UMAD1: variants seen among roughly 807,000 people sequenced by gnomAD.
The protein encoded by UMAD1 is UBAP1-MVB12-associated (UMA)-domain containing protein 1.
UMAD1 carries 8 observed loss-of-function variants against 6.1 expected under a neutral mutation model. That is an observed-to-expected ratio of 1.30 (90% CI 0.76 to 2.35). The LOEUF is 2.35. Among genes scored for constraint, UMAD1 ranks in the 30% most tolerant of loss-of-function variants. UMAD1 has a pLI of 0.00. For missense variants in UMAD1, 130 were observed against 78.4 expected, an observed-to-expected ratio of 1.66 and a Z score of -2.49; for synonymous variants, 56 against 31.4, an observed-to-expected ratio of 1.78 and a Z score of -2.61.
intron 2 of UMAD1, among the ~76,000 whole-genome samples, chr7:7,782,849 C>T (rs556785879): frequency 6.6e-5 from 10 of 151,716 alleles, no homozygotes; most frequent in Non-Finnish European, 1.5e-4. Context: ...CCTGCCTCAG[C>T]CTCCCAAATA....
At chr7:7,736,331 C>T (rs1313684640) in intron 2 of UMAD1, 1 of 152,970 alleles carries the variant, frequency 6.5e-6, no homozygotes, top group Admixed American at 6.5e-5. Context: ...TTATAAGTAC[C>T]AGCTGTCATT....
In UMAD1 at chr7:7,667,480, A is replaced by G. The variant is rs1779494196; in HGVS notation, c.-63-5829A>G. Among the ~76,000 whole-genome samples, 2 of 152,178 alleles carry G rather than the reference A, an allele frequency of 1.3e-5. 1 individual carries two copies. The highest frequency in any genetic ancestry group is 4.1e-4 in the South Asian group (2 of 4,830). On this transcript the variant is annotated intron_variant, in intron 1 of 3. Coordinates refer to ENST00000682710, the MANE Select transcript of UMAD1 (RefSeq NM_001302348.2). ...CACTTAAATTACTCTTAATTCTGCTAAGGATTGCCTCAGAAATATGATGGG... is the reference window on the plus strand; with the variant it reads ...CACTTAAATTACTCTTAATTCTGCTGAGGATTGCCTCAGAAATATGATGGG...
chr7:7,744,520 C>T (rs1335973858), intron 2 of UMAD1, among the ~76,000 whole-genome samples: 1 of 151,764 alleles, frequency 6.6e-6, no homozygotes, highest in Non-Finnish European at 1.5e-5. Context: ...GGGATTTGCT[C>T]CATTTCATAG....
At chr7:7,719,197 A>G (rs1780992497) in intron 2 of UMAD1, among the ~76,000 whole-genome samples, 1 of 152,222 alleles carries the variant, frequency 6.6e-6, no homozygotes, top group Admixed American at 6.5e-5. Flanking sequence ...ATGATGAAAT[A>G]TGATCAGCAA....
intron 1 of UMAD1, among the ~76,000 whole-genome samples, chr7:7,669,752 C>T (rs1277576889): frequency 2.0e-5 from 3 of 152,132 alleles, no homozygotes; most frequent in Non-Finnish European, 4.4e-5. Context: ...GTGATAGACA[C>T]GAGGGTGACT....
chr7:7,673,775 C>G (rs28915983), intron 2 of UMAD1, among the ~76,000 whole-genome samples: 2,101 of 151,170 alleles, frequency 0.014, 31 homozygotes, highest in Non-Finnish European at 0.017. Context: ...CAAGTTCTGT[C>G]TTATAAATAG....
At chr7:7,676,339 G>A in intron 2 of UMAD1, 1 of 392,156 alleles carries the variant, frequency 2.6e-6, no homozygotes, top group Non-Finnish European at 4.5e-6. Flanking sequence ...CCCTGTGAGT[G>A]AGGTAGTACT....
chr7:7,651,768 G>T (rs1457684358), intron 1 of UMAD1, among the ~76,000 whole-genome samples: 2 of 152,140 alleles, frequency 1.3e-5, no homozygotes, highest in African/African-American at 4.8e-5. Context: ...GTGGAAATTG[G>T]GTCTTCCGAG....
chr7:7,858,733 G>A (rs1490775505), intron 3 of UMAD1, among the ~76,000 whole-genome samples: 2 of 152,184 alleles, frequency 1.3e-5, no homozygotes. Flanking sequence ...AAGTGTGTGA[G>A]GTTCTTCCCT....
chr7:7,876,664 T>C (rs1563280249), intron 3 of UMAD1, among the ~76,000 whole-genome samples: 3 of 152,350 alleles, frequency 2.0e-5, no homozygotes, highest in African/African-American at 7.2e-5. Flanking sequence ...AGACAATCAG[T>C]ACTCATGGTA....
At chr7:7,869,444 A>G (rs930072719) in intron 3 of UMAD1, among the ~76,000 whole-genome samples, 1 of 152,160 alleles carries the variant, frequency 6.6e-6, no homozygotes, top group African/African-American at 2.4e-5. Context: ...TGATACAGCT[A>G]CCTTCTTTGC....
At chr7:7,740,442 T>G (rs79989275) in intron 2 of UMAD1, among the ~76,000 whole-genome samples, 3,263 of 152,344 alleles carry the variant, frequency 0.021, 115 homozygotes, top group African/African-American at 0.073. Context: ...TAATTTTAGC[T>G]TTATGCTACT....
chr7:7,688,712 T>A (rs1780097608), intron 2 of UMAD1, among the ~76,000 whole-genome samples: 1 of 152,334 alleles, frequency 6.6e-6, no homozygotes, highest in South Asian at 2.1e-4. Flanking sequence ...ACGCCTTTAT[T>A]TTTGTATGTC....
At chr7:7,785,143 G>A (rs759934328) in intron 2 of UMAD1, among the ~76,000 whole-genome samples, 4 of 152,174 alleles carry the variant, frequency 2.6e-5, no homozygotes, top group Non-Finnish European at 5.9e-5. Context: ...AATCAAGTAG[G>A]CATAGAATTT....
intron 1 of UMAD1, among the ~76,000 whole-genome samples, chr7:7,644,004 C>G (rs997445572): frequency 6.6e-6 from 1 of 152,144 alleles, no homozygotes; most frequent in Non-Finnish European, 1.5e-5. Flanking sequence ...ACTTGGATCT[C>G]TGCCACTAGT....
At chr7:7,783,588 C>G (rs1782395130) in intron 2 of UMAD1, among the ~76,000 whole-genome samples, 1 of 152,086 alleles carries the variant, frequency 6.6e-6, no homozygotes, top group South Asian at 2.1e-4. Flanking sequence ...AAGGCTGCTT[C>G]CAGGTCTTAA....
intron 3 of UMAD1, among the ~76,000 whole-genome samples, chr7:7,854,771 G>A (rs1783983521): frequency 6.6e-6 from 1 of 152,102 alleles, no homozygotes; most frequent in Admixed American, 6.5e-5. Flanking sequence ...TCTTAACCCA[G>A]CATTATTCCA....
chr7:7,854,031 A>C (rs560617924), intron 3 of UMAD1, among the ~76,000 whole-genome samples: 4 of 152,244 alleles, frequency 2.6e-5, no homozygotes, highest in African/African-American at 7.2e-5. Flanking sequence ...CGTTGCCATA[A>C]GGAAATACCT....
At chr7:7,715,472 A>C (rs962590071) in intron 2 of UMAD1, among the ~76,000 whole-genome samples, 2 of 152,216 alleles carry the variant, frequency 1.3e-5, no homozygotes, top group African/African-American at 4.8e-5. Context: ...TCAATAATTA[A>C]TGCTTCCATG....
Sources: allele counts gnomAD v4.1 joint callset (sites outside exome capture counted in the v4.1 genomes callset), GRCh38; gene constraint gnomAD v4.1.1; transcripts MANE v1.5; gene names NCBI Gene and HGNC (gene_info 2026-07-23, HGNC 2026-07-21).